The following SRD5A2 variants were observed in gnomAD, a reference collection of about 807,000 sequenced individuals.
The protein encoded by SRD5A2 is steroid 5 alpha-reductase 2.
A neutral mutation model predicts 27.4 loss-of-function variants in SRD5A2; 30 were observed. The observed-to-expected ratio is 1.10, with a 90% CI of 0.82 to 1.49. SRD5A2 has a LOEUF of 1.49. SRD5A2 is among the 40% of genes most tolerant of loss of function. The probability of loss-of-function intolerance (pLI) is 0.00; values close to 1 mark genes in which losing one functional copy is unlikely to be tolerated. For synonymous variants in SRD5A2, 141 were observed against 133.6 expected, an observed-to-expected ratio of 1.06 and a Z score of -0.38; for missense variants, 348 against 323.4, an observed-to-expected ratio of 1.08 and a Z score of -0.58.
chr2:31,532,974 C>T (rs1395491101), intron 2 of SRD5A2, among the ~76,000 whole-genome samples: 2 of 152,112 alleles, frequency 1.3e-5, no homozygotes, highest in Admixed American at 1.3e-4. Flanking sequence ...GCTTGTCCAA[C>T]CCACAGCCTG....
the SRD5A2 span, among the ~76,000 whole-genome samples, chr2:31,598,629 G>T: frequency 6.6e-6 from 1 of 151,606 alleles, no homozygotes; most frequent in Non-Finnish European, 1.5e-5. Context: ...GGTAGTATTT[G>T]CAAGCCTCAT....
chr2:31,542,939 C>G (rs1418120063), intron 1 of SRD5A2, among the ~76,000 whole-genome samples: 1 of 152,056 alleles, frequency 6.6e-6, no homozygotes, highest in African/African-American at 2.4e-5. Context: ...CATAAACCTC[C>G]AAGAAGCTCA....
intron 1 of SRD5A2, among the ~76,000 whole-genome samples, chr2:31,566,337 GA>G (rs1018570417): frequency 1.3e-5 from 2 of 151,534 alleles, no homozygotes; most frequent in Admixed American, 6.6e-5. Context: ...GTAAGCATAA[GA>G]AAAAACATAA....
chr2:31,569,484 T>C (rs1393376531), intron 1 of SRD5A2, among the ~76,000 whole-genome samples: 4 of 152,156 alleles, frequency 2.6e-5, no homozygotes, highest in Admixed American at 6.5e-5. Context: ...AATTTGCATT[T>C]CCCTAATCAC....
At chr2:31,620,420 C>T in the SRD5A2 span, among the ~76,000 whole-genome samples, 1 of 152,028 alleles carries the variant, frequency 6.6e-6, no homozygotes, top group African/African-American at 2.4e-5. Flanking sequence ...TGACATTATT[C>T]TATATGTAGA....
chr2:31,568,349 G>A (rs11675297), intron 1 of SRD5A2, among the ~76,000 whole-genome samples: 17,296 of 152,118 alleles, frequency 0.11, 1,789 homozygotes, highest in African/African-American at 0.27. Context: ...TCCCGTGTCC[G>A]GGAACAATGA....
At chr2:31,554,198 G>C (rs1666444838) in intron 1 of SRD5A2, among the ~76,000 whole-genome samples, 1 of 151,976 alleles carries the variant, frequency 6.6e-6, no homozygotes, top group Admixed American at 6.6e-5. Flanking sequence ...CGATCTAGGA[G>C]AAAGGGAAAA....
the SRD5A2 span, among the ~76,000 whole-genome samples, chr2:31,629,124 A>C: frequency 6.6e-6 from 1 of 152,184 alleles, no homozygotes; most frequent in African/African-American, 2.4e-5. Flanking sequence ...AACACTGAAT[A>C]ATCAGCACTA....
chr2:31,661,651 G>T, the SRD5A2 span, among the ~76,000 whole-genome samples: 1 of 152,138 alleles, frequency 6.6e-6, no homozygotes, highest in African/African-American at 2.4e-5. Flanking sequence ...ACGTTATTTA[G>T]TTTTCCGTAT....
the SRD5A2 span, among the ~76,000 whole-genome samples, chr2:31,649,810 T>G: frequency 6.6e-6 from 1 of 152,138 alleles, no homozygotes; most frequent in Non-Finnish European, 1.5e-5. Flanking sequence ...TAACGGGTAT[T>G]TTTCCCCATT....
chr2:31,563,070 A>G (rs1350626485), intron 1 of SRD5A2: 1 of 152,162 alleles, frequency 6.6e-6, no homozygotes, highest in East Asian at 1.9e-4. Flanking sequence ...CTCCTACTCT[A>G]TAGTCCTACA....
intron 1 of SRD5A2, among the ~76,000 whole-genome samples, chr2:31,551,183 G>A (rs1429871253): frequency 6.6e-6 from 1 of 151,854 alleles, no homozygotes; most frequent in Non-Finnish European, 1.5e-5. Context: ...AAACTCCAAA[G>A]AATTAATAAA....
chr2:31,547,784 G>A (rs1004636785), intron 1 of SRD5A2, among the ~76,000 whole-genome samples: 1 of 152,040 alleles, frequency 6.6e-6, no homozygotes, highest in Non-Finnish European at 1.5e-5. Context: ...GATCTGTTAT[G>A]AAACTTCTCA....
At chr2:31,548,770 G>A (rs543429535) in intron 1 of SRD5A2, among the ~76,000 whole-genome samples, 57 of 152,254 alleles carry the variant, frequency 3.7e-4, no homozygotes, top group African/African-American at 1.1e-3. Context: ...GGGTCTTGAA[G>A]CAATATTTGT....
intron 1 of SRD5A2, among the ~76,000 whole-genome samples, chr2:31,565,900 C>T (rs1261145006): frequency 6.6e-5 from 10 of 152,008 alleles, no homozygotes; most frequent in Admixed American, 6.6e-4. Flanking sequence ...GCAGTATACA[C>T]ATTCTTTTCA....
chr2:31,584,575 G>T (rs973529888), upstream of SRD5A2, among the ~76,000 whole-genome samples: 2 of 152,042 alleles, frequency 1.3e-5, no homozygotes, highest in African/African-American at 4.8e-5. Flanking sequence ...CTAAACAGCT[G>T]GCTACCATAT....
the SRD5A2 span, among the ~76,000 whole-genome samples, chr2:31,608,951 G>C: frequency 6.6e-6 from 1 of 152,002 alleles, no homozygotes; most frequent in Admixed American, 6.6e-5. Flanking sequence ...GGTTAAGTAA[G>C]ATCATAAGAG....
At chr2:31,631,158 C>T in the SRD5A2 span, among the ~76,000 whole-genome samples, 1 of 152,092 alleles carries the variant, frequency 6.6e-6, no homozygotes, top group East Asian at 1.9e-4. Flanking sequence ...CTTGATGGGG[C>T]GTCTGGGTTG....
At chr2:31,590,680 T>C in the SRD5A2 span, among the ~76,000 whole-genome samples, 7 of 152,262 alleles carry the variant, frequency 4.6e-5, no homozygotes, top group African/African-American at 1.7e-4. Context: ...CTTCAAACTA[T>C]ACTACAAGGC....
Sources: allele counts gnomAD v4.1 joint callset (sites outside exome capture counted in the v4.1 genomes callset), GRCh38; gene constraint gnomAD v4.1.1; transcripts MANE v1.5; gene names NCBI Gene and HGNC (gene_info 2026-07-23, HGNC 2026-07-21).